CHODL: variants seen among roughly 807,000 people sequenced by gnomAD.
CHODL encodes chondrolectin.
CHODL carries 29 observed loss-of-function variants against 34.5 expected under a neutral mutation model. The ratio of observed to expected loss-of-function variants is 0.84; its 90% CI spans 0.63 to 1.15. The LOEUF is 1.15. CHODL is among the 50% of genes most tolerant of loss of function. CHODL has a pLI of 0.00. For missense variants in CHODL, 332 were observed against 332.5 expected (o/e 1.00, Z 0.01); for synonymous variants, 125 against 116.1 (o/e 1.08, Z -0.49).
chr21:17,967,372 C>A (rs2146358642), intron 1 of CHODL, among the ~76,000 whole-genome samples: 1 of 152,240 alleles, frequency 6.6e-6, no homozygotes, highest in South Asian at 2.1e-4. Flanking sequence ...GAATCATATC[C>A]TTTTACTTAA....
chr21:17,980,774 G>T (rs533293222), intron 1 of CHODL, among the ~76,000 whole-genome samples: 21 of 152,178 alleles, frequency 1.4e-4, no homozygotes, highest in Admixed American at 2.6e-4. Context: ...ATGAGTCTCT[G>T]AAATGCACCG....
At chr21:18,003,717 A>G (rs2063933393) in intron 1 of CHODL, among the ~76,000 whole-genome samples, 1 of 152,006 alleles carries the variant, frequency 6.6e-6, no homozygotes, top group Non-Finnish European at 1.5e-5. Context: ...TAAAGAATTG[A>G]AGTTAGTTTT....
chr21:17,939,896 C>A (rs1312558239), intron 1 of CHODL, among the ~76,000 whole-genome samples: 2 of 152,184 alleles, frequency 1.3e-5, no homozygotes, highest in East Asian at 3.9e-4. Flanking sequence ...CTTATAATTT[C>A]ATGAATCCAA....
intron 2 of CHODL, among the ~76,000 whole-genome samples, chr21:18,050,554 T>C (rs2064501249): frequency 6.6e-6 from 1 of 151,886 alleles, no homozygotes; most frequent in East Asian, 1.9e-4. Context: ...AAACGTAAGA[T>C]ACATTTGAAG....
At chr21:18,078,768 TATTAGGGA>T (rs2064897832) in intron 2 of CHODL, among the ~76,000 whole-genome samples, 1 of 152,196 alleles carries the variant, frequency 6.6e-6, no homozygotes, top group African/African-American at 2.4e-5. Context: ...CTTTTTTACA[TATTAGGGA>T]GTTTATGGAT....
intron 2 of CHODL, among the ~76,000 whole-genome samples, chr21:18,227,307 G>T (rs1436798059): frequency 6.6e-6 from 1 of 152,112 alleles, no homozygotes; most frequent in African/African-American, 2.4e-5. Flanking sequence ...AAATACTATA[G>T]AATTTTCTAA....
intron 2 of CHODL, among the ~76,000 whole-genome samples, chr21:18,090,340 T>A (rs933509952): frequency 6.6e-5 from 10 of 152,172 alleles, no homozygotes; most frequent in Non-Finnish European, 1.2e-4. Context: ...CAAGGATGCC[T>A]ATTTATAGTG....
intron 2 of CHODL, among the ~76,000 whole-genome samples, chr21:18,146,828 A>G (rs1019176158): frequency 1.3e-5 from 2 of 152,138 alleles, no homozygotes; most frequent in Non-Finnish European, 2.9e-5. Context: ...ACTCTTTTTT[A>G]TTTAGCCCCA....
At chr21:18,179,700 A>G (rs2073359251) in intron 2 of CHODL, among the ~76,000 whole-genome samples, 1 of 152,316 alleles carries the variant, frequency 6.6e-6, no homozygotes, top group East Asian at 1.9e-4. Context: ...CAGAGGACTC[A>G]TGAGATTTCT....
At chr21:18,264,574 C>T (rs2074426096) in intron 5 of CHODL, among the ~76,000 whole-genome samples, 1 of 144,890 alleles carries the variant, frequency 6.9e-6, no homozygotes, top group Admixed American at 7.0e-5. Flanking sequence ...TGTACTCCAG[C>T]CTGGGCGACA....
chr21:18,233,869 A>G (rs543980761), intron 2 of CHODL, among the ~76,000 whole-genome samples: 1 of 152,298 alleles, frequency 6.6e-6, no homozygotes, highest in East Asian at 1.9e-4. Context: ...AGTTTAAGCC[A>G]ATAAAATACT....
intron 1 of CHODL, among the ~76,000 whole-genome samples, chr21:18,247,933 T>A (rs2074162577): frequency 6.6e-6 from 1 of 151,968 alleles, no homozygotes; most frequent in African/African-American, 2.4e-5. Flanking sequence ...CAAATTCAGG[T>A]CTCTAAGTTG....
chr21:18,206,648 T>G (rs1201318034), intron 2 of CHODL, among the ~76,000 whole-genome samples: 1 of 151,894 alleles, frequency 6.6e-6, no homozygotes, highest in Non-Finnish European at 1.5e-5. Flanking sequence ...TCCATTTACA[T>G]TCATTGTTAT....
chr21:18,168,710 C>T (rs1390579096), intron 2 of CHODL, among the ~76,000 whole-genome samples: 1 of 151,966 alleles, frequency 6.6e-6, no homozygotes, highest in Admixed American at 6.6e-5. Flanking sequence ...TATTTTTTTC[C>T]ATTACATGGG....
At chr21:17,993,255 G>T (rs780972877) in intron 1 of CHODL, among the ~76,000 whole-genome samples, 1 of 152,064 alleles carries the variant, frequency 6.6e-6, no homozygotes, top group African/African-American at 2.4e-5. Context: ...TACATGTGCA[G>T]GTTTGTTATA....
intron 1 of CHODL, among the ~76,000 whole-genome samples, chr21:18,008,204 G>A (rs1288434557): frequency 5.3e-5 from 8 of 151,562 alleles, no homozygotes; most frequent in Admixed American, 1.3e-4. Context: ...AAGTGCACAC[G>A]TTGAGTGTAT....
At chr21:18,215,113 C>T (rs866059036) in intron 2 of CHODL, among the ~76,000 whole-genome samples, 5 of 151,890 alleles carry the variant, frequency 3.3e-5, no homozygotes, top group African/African-American at 1.2e-4. Context: ...AGCCGTCTTG[C>T]CTCATAATTG....
At chr21:18,197,167 C>G (rs371170761) in intron 2 of CHODL, among the ~76,000 whole-genome samples, 1 of 151,814 alleles carries the variant, frequency 6.6e-6, no homozygotes, top group Non-Finnish European at 1.5e-5. Flanking sequence ...TAAATGTGTG[C>G]TTTTATAAAT....
Position 17,918,184 on chromosome 21 carries a change from G to A in CHODL, c.-145+784G>A, listed in dbSNP as rs2063156229. Among the ~76,000 whole-genome samples, 3 of 152,140 alleles carry A rather than the reference G, an allele frequency of 2.0e-5. No individual in the cohort carries two copies. The South Asian group carries it at 6.2e-4, about 32-fold the overall frequency. On this transcript the variant is annotated intron_variant, in intron 1 of 6. Transcript: ENST00000400127. ...TGAGGGGGGTTTTCAAGTTTGATGA[G>A]GGGTTGAAATATTTTATTTCATATA...
Sources: allele counts gnomAD v4.1 joint callset (sites outside exome capture counted in the v4.1 genomes callset), GRCh38; gene constraint gnomAD v4.1.1; transcripts MANE v1.5; gene names NCBI Gene and HGNC (gene_info 2026-07-23, HGNC 2026-07-21).